Variants in ENTHD1 observed in about 807,000 individuals in gnomAD.
ENTHD1 encodes the protein ENTH domain containing 1, also known as ENTH domain-containing protein 1.
Under a neutral mutation model 39.1 loss-of-function variants are expected in ENTHD1, and 23 were observed. That is an observed-to-expected ratio of 0.59 (90% CI 0.42 to 0.83). ENTHD1 has a LOEUF of 0.83. Ranked by LOEUF, ENTHD1 falls within the 40% of genes least tolerant of loss-of-function variation. The pLI is 0.00. For missense variants in ENTHD1, 624 were observed against 705.4 expected, an observed-to-expected ratio of 0.88 and a Z score of 1.31; for synonymous variants, 230 against 258.2, an observed-to-expected ratio of 0.89 and a Z score of 1.05.
At position 39,877,315 on chromosome 22, in the gene ENTHD1, TA is replaced by T. The variant is rs558615227; in HGVS notation, c.349+10084del. Among the ~76,000 whole-genome samples, 35 of 151,822 alleles carry T rather than the reference TA, an allele frequency of 2.3e-4. 1 individual carries two copies. In the South Asian group the frequency reaches 5.2e-3, roughly 23 times the overall value. On this transcript the variant is annotated intron_variant, in intron 2 of 6. Transcript: ENST00000325157. ...TTGACCTAAACAACTTAGAAACGGA[TA>T]AAAAAAAGGATAAACCTGACTTCTG...
chr22:39,794,295 T>C (rs1410703402), intron 5 of ENTHD1, among the ~76,000 whole-genome samples: 1 of 152,360 alleles, frequency 6.6e-6, no homozygotes, highest in Non-Finnish European at 1.5e-5. Context: ...TACTGATTTT[T>C]GTATGTTGAT....
intron 5 of ENTHD1, among the ~76,000 whole-genome samples, chr22:39,806,059 T>C (rs540977026): frequency 2.0e-5 from 3 of 152,272 alleles, no homozygotes; most frequent in African/African-American, 4.8e-5. Flanking sequence ...AACCTACTAA[T>C]TTCAGTGAAT....
chr22:39,856,554 A>G (rs1340666191), intron 3 of ENTHD1, among the ~76,000 whole-genome samples: 3 of 152,176 alleles, frequency 2.0e-5, no homozygotes, highest in Non-Finnish European at 4.4e-5. Context: ...ACATCCAAAC[A>G]TTCACTGTTC....
chr22:39,838,605 A>C (rs1011574539), intron 3 of ENTHD1, among the ~76,000 whole-genome samples: 8 of 152,104 alleles, frequency 5.3e-5, no homozygotes, highest in Non-Finnish European at 2.9e-5. Context: ...TGGGCAAACG[A>C]GCAGTTCCAA....
intron 5 of ENTHD1, among the ~76,000 whole-genome samples, chr22:39,819,280 G>A (rs2065759563): frequency 1.3e-5 from 2 of 151,962 alleles, no homozygotes; most frequent in African/African-American, 2.4e-5. Context: ...CAGGAGAATC[G>A]CTTGAACCCG....
At chr22:39,836,008 G>C (rs1410029955) in intron 3 of ENTHD1, 50 bp from the exon 4 acceptor site, 1 of 1,379,820 alleles carries the variant, frequency 7.2e-7, no homozygotes, top group South Asian at 1.3e-5. Flanking sequence ...ACACAGTTAT[G>C]TTTTTATATT....
chr22:39,771,378 T>C (rs1215469382), intron 5 of ENTHD1, among the ~76,000 whole-genome samples: 1 of 152,052 alleles, frequency 6.6e-6, no homozygotes, highest in Admixed American at 6.6e-5. Context: ...AGTAATTGGC[T>C]AAAAGTGGGC....
intron 5 of ENTHD1, among the ~76,000 whole-genome samples, chr22:39,786,613 T>G (rs535634110): frequency 6.6e-6 from 1 of 152,294 alleles, no homozygotes; most frequent in East Asian, 1.9e-4. Flanking sequence ...GGCACCTATC[T>G]TTCAGTTCAG....
At chr22:39,782,301 T>A (rs995915357) in intron 5 of ENTHD1, among the ~76,000 whole-genome samples, 47 of 151,428 alleles carry the variant, frequency 3.1e-4, no homozygotes, top group African/African-American at 1.1e-3. Context: ...AAAGAACCAG[T>A]AACAAGATCA....
chr22:39,780,219 C>CA (rs916961181), intron 5 of ENTHD1, among the ~76,000 whole-genome samples: 4 of 151,444 alleles, frequency 2.6e-5, no homozygotes, highest in African/African-American at 2.4e-5. Context: ...GCTAAAAATA[C>CA]AAAAAAAATT....
chr22:39,783,004 T>C (rs1004212520), intron 5 of ENTHD1, among the ~76,000 whole-genome samples: 5 of 152,202 alleles, frequency 3.3e-5, no homozygotes, highest in African/African-American at 9.7e-5. Flanking sequence ...TGTTTGCAGA[T>C]GACATGCTCT....
At chr22:39,784,032 G>A (rs1471596213) in intron 5 of ENTHD1, among the ~76,000 whole-genome samples, 1 of 151,990 alleles carries the variant, frequency 6.6e-6, no homozygotes, top group Non-Finnish European at 1.5e-5. Flanking sequence ...GAATATATTA[G>A]GAGCTCAAAC....
At chr22:39,831,715 A>G (rs1005033543) in intron 4 of ENTHD1, among the ~76,000 whole-genome samples, 2 of 151,952 alleles carry the variant, frequency 1.3e-5, no homozygotes, top group African/African-American at 4.8e-5. Context: ...ATACCCAGCT[A>G]CTTGGGAGGC....
chr22:39,852,104 G>A (rs1281206401), intron 3 of ENTHD1, among the ~76,000 whole-genome samples: 1 of 151,794 alleles, frequency 6.6e-6, no homozygotes, highest in South Asian at 2.1e-4. Flanking sequence ...AGGCTGAGGC[G>A]AGCAGATTGC....
At chr22:39,755,441 G>A (rs1047661861) in intron 6 of ENTHD1, among the ~76,000 whole-genome samples, 1 of 152,164 alleles carries the variant, frequency 6.6e-6, no homozygotes, top group Non-Finnish European at 1.5e-5. Context: ...GCAGAAGCTA[G>A]GCTTCCCAGG....
intron 3 of ENTHD1, among the ~76,000 whole-genome samples, chr22:39,852,971 G>A (rs1163567765): frequency 6.6e-6 from 1 of 152,102 alleles, no homozygotes; most frequent in Non-Finnish European, 1.5e-5. Context: ...TGTACCATTA[G>A]CCCTGCCATC....
At chr22:39,811,136 C>CTG (rs1469913174) in intron 5 of ENTHD1, among the ~76,000 whole-genome samples, 2 of 152,210 alleles carry the variant, frequency 1.3e-5, no homozygotes, top group Non-Finnish European at 2.9e-5. Context: ...ATCCACTGGT[C>CTG]TGGAGCATGT....
At chr22:39,788,752 T>C (rs2146596917) in intron 5 of ENTHD1, among the ~76,000 whole-genome samples, 1 of 152,182 alleles carries the variant, frequency 6.6e-6, no homozygotes, top group South Asian at 2.1e-4. Context: ...TTTTTTTTAA[T>C]TGCTGCAGCC....
Position 39,835,866 on chromosome 22 carries a change from T to C in ENTHD1, c.685A>G (p.Lys229Glu). 1 of 1,608,670 alleles carries C rather than the reference T, an allele frequency of 6.2e-7. No homozygotes were observed. ...TMLSQETLPL[K>E]IHGWKSTEDL... ...TCTGTTGATTTCCAACCATGAATCT[T>C]GAGTGGAAGTGTTTCCTGGGACAAC... Residue 229 changes from lysine to glutamate, a missense_variant, in exon 4 of 7, where the codon AAG (lysine) becomes GAG (glutamate). Coordinates refer to ENST00000325157, the MANE Select transcript of ENTHD1 (RefSeq NM_152512.4).
Sources: gnomAD v4.1 joint callset for allele counts (sites outside exome capture counted in the v4.1 genomes callset) on GRCh38, gnomAD v4.1.1 for gene constraint, MANE v1.5 for transcripts, NCBI Gene and HGNC (gene_info 2026-07-23, HGNC 2026-07-21) for gene names.